The following PAK3 variants were observed in gnomAD, a reference collection of about 807,000 sequenced individuals.
PAK3 encodes p21 (RAC1) activated kinase 3.
Under a neutral mutation model 41.0 loss-of-function variants are expected in PAK3, and 4 were observed. The ratio of observed to expected loss-of-function variants is 0.10; its 90% CI spans 0.05 to 0.22. The LOEUF is 0.22. PAK3 is among the 10% of genes least tolerant of loss of function. The pLI is 1.00. For missense variants in PAK3, 205 were observed against 409.9 expected (o/e 0.50, Z 4.32); for synonymous variants, 146 against 139.6 (o/e 1.05, Z -0.32).
intron 1 of PAK3, among the ~76,000 whole-genome samples, chrX:111,044,320 G>A (rs2092478292): frequency 8.9e-6 from 1 of 112,061 alleles, no homozygotes; most frequent in Admixed American, 9.4e-5. Context: ...GCCAAATGCT[G>A]GGAGGATGGC....
At chrX:111,058,528 T>A (rs918057816) in intron 1 of PAK3, among the ~76,000 whole-genome samples, 2 of 111,879 alleles carry the variant, frequency 1.8e-5, no homozygotes, top group Non-Finnish European at 3.8e-5. Context: ...AATTGTGTTA[T>A]CTTTCTTATG....
chrX:111,171,953 C>CA (rs780663889), intron 10 of PAK3, among the ~76,000 whole-genome samples: 8 of 111,594 alleles, frequency 7.2e-5, no homozygotes, highest in Admixed American at 6.7e-4. Context: ...TTTGAACATG[C>CA]ATGGGTCTCA....
intron 16 of PAK3, among the ~76,000 whole-genome samples, chrX:111,204,939 AC>A (rs1163735251): frequency 3.8e-5 from 2 of 52,353 alleles, no homozygotes; most frequent in African/African-American, 1.9e-4. Flanking sequence ...GTTCATCAGC[AC>A]ATTTTTTTTT....
intron 5 of PAK3, among the ~76,000 whole-genome samples, chrX:111,139,188 G>A (rs935539920): frequency 9.0e-6 from 1 of 111,203 alleles, no homozygotes; most frequent in African/African-American, 3.3e-5. Flanking sequence ...AAAACTTGAT[G>A]ATGAATTAGC....
At chrX:110,989,595 T>C (rs1012746683) in intron 1 of PAK3, among the ~76,000 whole-genome samples, 1 of 112,245 alleles carries the variant, frequency 8.9e-6, no homozygotes. Context: ...AGGTTCACCC[T>C]ATTGTGATCT....
chrX:110,989,253 A>G (rs1477502148), intron 1 of PAK3, among the ~76,000 whole-genome samples: 2 of 111,371 alleles, frequency 1.8e-5, no homozygotes, highest in Non-Finnish European at 3.8e-5. Context: ...TACTACTCTT[A>G]CCATTTCAAA....
chrX:111,205,279 C>A (rs2094733171), intron 16 of PAK3, among the ~76,000 whole-genome samples: 1 of 110,557 alleles, frequency 9.0e-6, no homozygotes, highest in Admixed American at 9.7e-5. Flanking sequence ...CAGAATAGTT[C>A]CTTTTTAATT....
At chrX:111,063,455 T>A (rs1211264753) in intron 1 of PAK3, among the ~76,000 whole-genome samples, 1 of 111,839 alleles carries the variant, frequency 8.9e-6, no homozygotes, top group Non-Finnish European at 1.9e-5. Context: ...TCCATATCTA[T>A]CTATCTCCAG....
chrX:111,101,393 A>C (rs1416091598), intron 3 of PAK3, among the ~76,000 whole-genome samples: 1 of 112,135 alleles, frequency 8.9e-6, no homozygotes, highest in Non-Finnish European at 1.9e-5. Flanking sequence ...AAGTGGTGAA[A>C]TAAAGGCAGG....
chrX:111,183,591 C>T (rs775972595), intron 11 of PAK3, among the ~76,000 whole-genome samples: 7 of 111,300 alleles, frequency 6.3e-5, no homozygotes, highest in Non-Finnish European at 9.4e-5. Context: ...AATCCATTTC[C>T]ATGCTGAAAT....
intron 1 of PAK3, among the ~76,000 whole-genome samples, chrX:111,020,014 C>T (rs1479537125): frequency 9.0e-6 from 1 of 111,671 alleles, no homozygotes; most frequent in Non-Finnish European, 1.9e-5. Context: ...ATGATAATTC[C>T]TTTAAAAATT....
In PAK3 at chrX:111,144,892, G is replaced by A. The variant is rs774856106; in HGVS notation, c.276+2696G>A. The A allele has an allele frequency of 2.4e-4, 269 of 1,142,204 alleles. 1 individual carries two copies. In the South Asian group the frequency reaches 4.7e-3, roughly 20 times the overall value. The allele number at this position is 1,142,204 out of a possible 1,213,427, so 94.1% of individuals were successfully genotyped here. ...CTTTCCAGACCTCTAGACCTGTGAC[G>A]GTCGCTTCAAGTCAATCAGAGGGAA... is the stretch of plus-strand genomic sequence containing the variant. On this transcript the variant is annotated intron_variant, in intron 6 of 17. Coordinates refer to ENST00000372007, the MANE Select transcript of PAK3 (RefSeq NM_002578.5).
intron 17 of PAK3, 72 bp downstream of exon 17, chrX:111,216,630 A>C: frequency 2.3e-6 from 2 of 861,463 alleles, no homozygotes; most frequent in Non-Finnish European, 3.5e-6. Context: ...TGTGACAGAG[A>C]GCTCTGTCAA....
chrX:111,086,326 G>A (rs1369921604), intron 1 of PAK3, among the ~76,000 whole-genome samples: 1 of 111,077 alleles, frequency 9.0e-6, no homozygotes, highest in Non-Finnish European at 1.9e-5. Context: ...ATAAAGCCTA[G>A]GGTTGGGGGA....
chrX:111,050,883 G>A (rs764953456), intron 1 of PAK3, among the ~76,000 whole-genome samples: 6 of 112,168 alleles, frequency 5.3e-5, no homozygotes, highest in Non-Finnish European at 9.4e-5. Context: ...CTTATTTGTC[G>A]TGTGTCTGTG....
chrX:111,073,045 C>T (rs2092757902), intron 1 of PAK3, among the ~76,000 whole-genome samples: 1 of 111,439 alleles, frequency 9.0e-6, no homozygotes, highest in Admixed American at 9.5e-5. Flanking sequence ...GCTGGGAGCA[C>T]TTCAGAATCC....
intron 1 of PAK3, among the ~76,000 whole-genome samples, chrX:111,000,555 A>G (rs1461257377): frequency 8.9e-6 from 1 of 112,078 alleles, no homozygotes. Flanking sequence ...GGATCCTAGA[A>G]CAGGAATAGG....
intron 3 of PAK3, among the ~76,000 whole-genome samples, chrX:111,100,478 G>C (rs1047668007): frequency 4.5e-5 from 5 of 111,523 alleles, no homozygotes; most frequent in Middle Eastern, 4.7e-3. Flanking sequence ...AAGGCTCCCA[G>C]TCCTTCCAAC....
At chrX:110,998,620 T>C (rs2091787463) in intron 1 of PAK3, among the ~76,000 whole-genome samples, 1 of 110,156 alleles carries the variant, frequency 9.1e-6, no homozygotes, top group Non-Finnish European at 1.9e-5. Context: ...CAAAAGAGGG[T>C]TTATTAACTT....
Sources: gnomAD v4.1 joint callset for allele counts (sites outside exome capture counted in the v4.1 genomes callset) on GRCh38, gnomAD v4.1.1 for gene constraint, MANE v1.5 for transcripts, NCBI Gene and HGNC (gene_info 2026-07-23, HGNC 2026-07-21) for gene names.